The following SLC24A2 variants were observed in gnomAD, a reference collection of about 807,000 sequenced individuals.
SLC24A2 encodes the protein sodium/potassium/calcium exchanger 2.
Under a neutral mutation model 62.0 loss-of-function variants are expected in SLC24A2, and 36 were observed. The observed-to-expected ratio is 0.58, with a 90% CI of 0.44 to 0.77. The LOEUF (loss-of-function observed/expected upper bound fraction) is 0.77. Among genes scored for constraint, SLC24A2 ranks in the 30% least tolerant of loss-of-function variants. The probability of loss-of-function intolerance (pLI) is 0.00; values close to 1 mark genes in which losing one functional copy is unlikely to be tolerated. For missense variants in SLC24A2, 846 were observed against 817.9 expected (o/e 1.03, Z -0.42); for synonymous variants, 358 against 294.0 (o/e 1.22, Z -2.23).
the SLC24A2 span, among the ~76,000 whole-genome samples, chr9:20,157,919 A>T: frequency 0.054 from 8,233 of 151,588 alleles, 712 homozygotes; most frequent in African/African-American, 0.19. Context: ...ATCAAATCTA[A>T]AAAAGCAACC....
chr9:20,107,895 A>G, the SLC24A2 span, among the ~76,000 whole-genome samples: 1 of 152,216 alleles, frequency 6.6e-6, no homozygotes, highest in Non-Finnish European at 1.5e-5. Context: ...AACTACCATC[A>G]GAGTGAACAG....
At chr9:19,532,244 G>A (rs943848339) in intron 8 of SLC24A2, among the ~76,000 whole-genome samples, 39 of 152,186 alleles carry the variant, frequency 2.6e-4, no homozygotes, top group African/African-American at 9.4e-4. Flanking sequence ...ACAGGGATGT[G>A]CCACCATGCC....
the SLC24A2 span, among the ~76,000 whole-genome samples, chr9:20,125,737 C>G: frequency 3.4e-4 from 52 of 152,304 alleles, 2 homozygotes; most frequent in South Asian, 0.01. Context: ...GTTGTGGAAA[C>G]TCAAGTTCTG....
At chr9:20,014,137 GGT>G in the SLC24A2 span, among the ~76,000 whole-genome samples, 1 of 152,132 alleles carries the variant, frequency 6.6e-6, no homozygotes, top group Non-Finnish European at 1.5e-5. Context: ...GATTCTGGGA[GGT>G]CAAGGCTGCA....
chr9:19,657,963 T>G (rs1283985004), intron 2 of SLC24A2, among the ~76,000 whole-genome samples: 1 of 152,162 alleles, frequency 6.6e-6, no homozygotes, highest in Non-Finnish European at 1.5e-5. Context: ...CTTATGAGTC[T>G]TAAAATGTCC....
At chr9:20,230,274 G>A in the SLC24A2 span, among the ~76,000 whole-genome samples, 190 of 152,230 alleles carry the variant, frequency 1.2e-3, 3 homozygotes, top group South Asian at 0.016. Context: ...GGGTCAAATG[G>A]TATTTCTAGT....
the SLC24A2 span, among the ~76,000 whole-genome samples, chr9:20,158,405 T>G: frequency 6.6e-6 from 1 of 151,626 alleles, no homozygotes; most frequent in Non-Finnish European, 1.5e-5. Context: ...TGATTCAGAT[T>G]AGTGCTTTTA....
chr9:20,003,811 G>A, the SLC24A2 span, among the ~76,000 whole-genome samples: 3 of 151,808 alleles, frequency 2.0e-5, no homozygotes, highest in Admixed American at 1.3e-4. Context: ...AGATTTGACT[G>A]GCAAGAAGTA....
At chr9:19,535,346 C>G (rs1833908218) in intron 8 of SLC24A2, among the ~76,000 whole-genome samples, 1 of 152,158 alleles carries the variant, frequency 6.6e-6, no homozygotes, top group African/African-American at 2.4e-5. Context: ...TGCAGAAGCT[C>G]TTTAGTTTAA....
chr9:20,066,017 A>C, the SLC24A2 span, among the ~76,000 whole-genome samples: 12 of 152,198 alleles, frequency 7.9e-5, no homozygotes, highest in Non-Finnish European at 1.6e-4. Context: ...TATTATTAAC[A>C]AATGGCTTTA....
the SLC24A2 span, among the ~76,000 whole-genome samples, chr9:20,286,341 C>T: frequency 6.6e-6 from 1 of 152,224 alleles, no homozygotes; most frequent in Admixed American, 6.5e-5. Flanking sequence ...TGGCAGCTGT[C>T]ACATCCAGGC....
chr9:20,105,549 C>CA, the SLC24A2 span, among the ~76,000 whole-genome samples: 1 of 151,976 alleles, frequency 6.6e-6, no homozygotes, highest in Non-Finnish European at 1.5e-5. Flanking sequence ...GAATCTCACT[C>CA]AAAACCACTC....
the SLC24A2 span, among the ~76,000 whole-genome samples, chr9:20,058,803 G>A: frequency 6.6e-6 from 1 of 152,194 alleles, no homozygotes; most frequent in Non-Finnish European, 1.5e-5. Flanking sequence ...GCATACGTAT[G>A]TGTGTACAGT....
At chr9:20,190,981 C>G in the SLC24A2 span, among the ~76,000 whole-genome samples, 5 of 152,196 alleles carry the variant, frequency 3.3e-5, no homozygotes, top group Non-Finnish European at 7.3e-5. Context: ...TCTCAAGGAG[C>G]TTGCTCTCTA....
At chr9:20,157,940 C>A in the SLC24A2 span, among the ~76,000 whole-genome samples, 1 of 151,470 alleles carries the variant, frequency 6.6e-6, no homozygotes, top group Non-Finnish European at 1.5e-5. Context: ...CAGTGCTATG[C>A]AAAGATCCTA....
chr9:19,964,000 A>C, the SLC24A2 span, among the ~76,000 whole-genome samples: 3 of 152,126 alleles, frequency 2.0e-5, no homozygotes, highest in Admixed American at 1.3e-4. Flanking sequence ...CTGGATTAAG[A>C]AAATGTGGCA....
At chr9:20,294,423 G>A in the SLC24A2 span, among the ~76,000 whole-genome samples, 516 of 152,282 alleles carry the variant, frequency 3.4e-3, 1 homozygote, top group Non-Finnish European at 5.5e-3. Context: ...TCGTTAGCTT[G>A]CTCCACTCAA....
chr9:19,883,279 T>C, the SLC24A2 span, among the ~76,000 whole-genome samples: 11 of 152,194 alleles, frequency 7.2e-5, no homozygotes, highest in Non-Finnish European at 1.0e-4. Flanking sequence ...GAAAAGATGA[T>C]AAACTTCTAG....
the SLC24A2 span, among the ~76,000 whole-genome samples, chr9:20,022,646 T>C: frequency 6.6e-6 from 1 of 152,246 alleles, no homozygotes. Context: ...AAAAGATCTC[T>C]GCTGCTTCTC....
Sources: allele counts gnomAD v4.1 joint callset (sites outside exome capture counted in the v4.1 genomes callset), GRCh38; gene constraint gnomAD v4.1.1; transcripts MANE v1.5; gene names NCBI Gene and HGNC (gene_info 2026-07-23, HGNC 2026-07-21).